PPP4R2: variants seen among roughly 807,000 people sequenced by gnomAD.
The protein encoded by PPP4R2 is protein phosphatase 4 regulatory subunit 2.
Under a neutral mutation model 47.2 loss-of-function variants are expected in PPP4R2, and 13 were observed. The observed-to-expected ratio is 0.28, with a 90% confidence interval of 0.18 to 0.44. The LOEUF (loss-of-function observed/expected upper bound fraction) is 0.44, where lower values mean the gene tolerates loss of function less well. Ranked by LOEUF, PPP4R2 falls within the 20% of genes least tolerant of loss-of-function variation. PPP4R2 has a pLI of 1.00. For synonymous variants in PPP4R2, 151 were observed against 163.3 expected (o/e 0.92, Z 0.57); for missense variants, 421 against 491.2 (o/e 0.86, Z 1.35).
In PPP4R2 at chr3:73,068,435, T is replaced by C. The variant is rs1433330695; in HGVS notation, c.*2713T>C. On this transcript the variant is annotated 3_prime_UTR_variant, in exon 9 of 9. Coordinates refer to ENST00000356692, the MANE Select transcript of PPP4R2 (RefSeq NM_174907.4). ...CTTTTAAAAAGTGAAAATATCCTTG[T>C]ACATTTTTGAAAAATATATTTTCAG... 6.6e-6 allele frequency: 1 copy of C among 152,238 alleles called. No individual in the cohort carries two copies. The highest frequency in any genetic ancestry group is 1.5e-5 in the Non-Finnish European group (1 of 68,040). 9.4% of individuals were successfully genotyped at this position (152,238 alleles called of 1,614,324 possible).
chr3:73,021,316 C>T (rs1018586420), intron 2 of PPP4R2, among the ~76,000 whole-genome samples: 1 of 151,624 alleles, frequency 6.6e-6, no homozygotes, highest in African/African-American at 2.4e-5. Context: ...TCACTGTAGC[C>T]TCAATCTCCC....
chr3:73,041,016 C>CGTT (rs1702367274), intron 2 of PPP4R2, among the ~76,000 whole-genome samples: 3 of 103,596 alleles, frequency 2.9e-5, no homozygotes, highest in Non-Finnish European at 6.1e-5. Context: ...ATTATGGATA[C>CGTT]ATACTTCTAT....
chr3:73,047,920 AG>A (rs1446818397), intron 3 of PPP4R2, among the ~76,000 whole-genome samples: 3 of 152,210 alleles, frequency 2.0e-5, no homozygotes, highest in Non-Finnish European at 1.5e-5. Context: ...TCTGTCACCT[AG>A]GCTGGAATAC....
intron 2 of PPP4R2, among the ~76,000 whole-genome samples, chr3:73,032,576 C>T (rs1180933926): frequency 1.3e-5 from 2 of 152,198 alleles, no homozygotes; most frequent in African/African-American, 2.4e-5. Context: ...CGTGAGCCAC[C>T]GTGCCCAGCC....
chr3:73,000,381 T>A (rs1257780285), intron 2 of PPP4R2, among the ~76,000 whole-genome samples: 2 of 152,224 alleles, frequency 1.3e-5, no homozygotes, highest in Non-Finnish European at 2.9e-5. Flanking sequence ...TGATGCATTA[T>A]AGCAAGAAAG....
rs772410992 is a variant in PPP4R2, at chr3:73,067,228, TCCC to T, written c.*1510_*1512del. The T allele has an allele frequency of 2.0e-5, 3 of 152,036 alleles. No individual in the cohort carries two copies. The highest frequency in any genetic ancestry group is 4.4e-5 in the Non-Finnish European group (3 of 67,928). 9.4% of individuals were successfully genotyped at this position (152,036 alleles called of 1,614,324 possible). A position where few individuals can be genotyped will look rare whatever the true frequency, so the allele number is the denominator to read the frequency against. ...ACATTTTTATCAAAATATGAAAGAA[TCCC>T]CCCTTTTTTAGTTTCAGATACCTGA... On this transcript the variant is annotated 3_prime_UTR_variant, in exon 9 of 9. Transcript: ENST00000356692.
At chr3:73,013,085 T>G (rs752828887) in intron 2 of PPP4R2, among the ~76,000 whole-genome samples, 1 of 152,098 alleles carries the variant, frequency 6.6e-6, no homozygotes, top group Non-Finnish European at 1.5e-5. Flanking sequence ...GGATGATACC[T>G]TGTTAAGTTG....
intron 5 of PPP4R2, chr3:73,062,866 A>G: frequency 6.2e-7 from 1 of 1,613,808 alleles, no homozygotes; most frequent in Non-Finnish European, 8.5e-7. Context: ...GGAGACTTTG[A>G]ATCCCCTCTA....
Position 73,065,803 on chromosome 3 carries a change from G to A in PPP4R2, c.*81G>A, listed in dbSNP as rs1045993012. ...TATAAAACTTTTGTGTAATAAAATG[G>A]ACCTTTAGTTTTACAAGAGAAGCAG... On this transcript the variant is annotated 3_prime_UTR_variant, in exon 9 of 9. Transcript: ENST00000356692. The A allele has an allele frequency of 5.5e-6, 5 of 917,062 alleles. No homozygotes were observed. The African/African-American group carries it at 6.7e-5, about 12-fold the overall frequency. 56.8% of individuals were successfully genotyped at this position (917,062 alleles called of 1,614,324 possible).
intron 2 of PPP4R2, among the ~76,000 whole-genome samples, chr3:73,006,523 C>T (rs777087623): frequency 1.6e-4 from 25 of 152,248 alleles, no homozygotes; most frequent in Admixed American, 6.5e-4. Flanking sequence ...GGAGCACTCT[C>T]GTTGGTTTTG....
At chr3:73,003,189 A>G (rs1701517057) in intron 2 of PPP4R2, among the ~76,000 whole-genome samples, 1 of 149,964 alleles carries the variant, frequency 6.7e-6, no homozygotes, top group African/African-American at 2.5e-5. Context: ...TTGTCTGAGC[A>G]TATTGCTATT....
chr3:73,060,898 CT>C, intron 4 of PPP4R2, 124 bp from the exon 5 acceptor site: 1 of 555,556 alleles, frequency 1.8e-6, no homozygotes, highest in Non-Finnish European at 3.0e-6. Flanking sequence ...AACCATTTTC[CT>C]TTACTAGCAA....
chr3:73,063,453 G>A (rs182235158), intron 5 of PPP4R2: 317 of 409,024 alleles, frequency 7.8e-4, no homozygotes, highest in Non-Finnish European at 1.3e-3. Flanking sequence ...GCAAAACCCC[G>A]TCTCTACTAA....
At chr3:73,063,574 A>G in intron 5 of PPP4R2, 99 bp from the exon 6 acceptor site, 1 of 676,646 alleles carries the variant, frequency 1.5e-6, no homozygotes, top group Admixed American at 2.4e-5. Context: ...CAGTGAGCTG[A>G]GATTGCACCA....
chr3:73,020,267 C>T (rs1158103888), intron 2 of PPP4R2, among the ~76,000 whole-genome samples: 1 of 152,126 alleles, frequency 6.6e-6, no homozygotes, highest in East Asian at 1.9e-4. Context: ...GGGACAATAG[C>T]TCACTGTAGT....
intron 6 of PPP4R2, 115 bp from the exon 7 acceptor site, chr3:73,063,888 T>C (rs958415244): frequency 2.6e-6 from 3 of 1,165,430 alleles, no homozygotes; most frequent in Non-Finnish European, 3.7e-6. Context: ...TGGTAAGGCA[T>C]GGGCCTGAAA....
intron 2 of PPP4R2, among the ~76,000 whole-genome samples, chr3:73,037,072 C>T (rs746093635): frequency 6.6e-5 from 10 of 152,046 alleles, no homozygotes; most frequent in Non-Finnish European, 8.8e-5. Flanking sequence ...TTATTGTCTT[C>T]TTTGCTGTAT....
chr3:73,052,954 C>A (rs186087124), intron 3 of PPP4R2, among the ~76,000 whole-genome samples: 1 of 152,326 alleles, frequency 6.6e-6, no homozygotes, highest in African/African-American at 2.4e-5. Flanking sequence ...ACTCCAAAGT[C>A]TGGATTGTAG....
intron 2 of PPP4R2, among the ~76,000 whole-genome samples, chr3:73,014,702 A>G (rs1258186716): frequency 1.3e-5 from 2 of 152,010 alleles, no homozygotes; most frequent in Non-Finnish European, 2.9e-5. Flanking sequence ...TTTTATTGCC[A>G]CTTGTAATTT....
Sources: allele counts gnomAD v4.1 joint callset (sites outside exome capture counted in the v4.1 genomes callset), GRCh38; gene constraint gnomAD v4.1.1; transcripts MANE v1.5; gene names NCBI Gene and HGNC (gene_info 2026-07-23, HGNC 2026-07-21).